Variants in RGS6 observed in about 807,000 individuals in gnomAD.
RGS6 encodes the protein regulator of G protein signaling 6.
In RGS6, 30 loss-of-function variants were observed where a neutral mutation model predicts 78.5. The ratio of observed to expected loss-of-function variants is 0.38; its 90% CI spans 0.29 to 0.52. RGS6 has a LOEUF of 0.52. Ranked by LOEUF, RGS6 falls within the 20% of genes least tolerant of loss-of-function variation. The pLI is 0.85. For synonymous variants in RGS6, 206 were observed against 206.0 expected, an observed-to-expected ratio of 1.00 and a Z score of 0.00; for missense variants, 495 against 609.7, an observed-to-expected ratio of 0.81 and a Z score of 1.98.
At chr14:72,236,682 C>T (rs2051137339) in intron 2 of RGS6, among the ~76,000 whole-genome samples, 1 of 152,106 alleles carries the variant, frequency 6.6e-6, no homozygotes, top group Non-Finnish European at 1.5e-5. Flanking sequence ...GGTGGAGGGG[C>T]CGGGCAGAGG....
the RGS6 span, among the ~76,000 whole-genome samples, chr14:71,904,686 C>G: frequency 6.6e-6 from 1 of 152,170 alleles, no homozygotes; most frequent in African/African-American, 2.4e-5. Context: ...CACTTTGCAA[C>G]CAAAATTTGG....
chr14:72,507,804 G>C (rs1245868391), intron 13 of RGS6, among the ~76,000 whole-genome samples: 1 of 152,194 alleles, frequency 6.6e-6, no homozygotes, highest in Non-Finnish European at 1.5e-5. Flanking sequence ...GCTGCCACTA[G>C]TACCATCCCT....
chr14:72,236,138 G>T (rs1436494029), intron 2 of RGS6, among the ~76,000 whole-genome samples: 1 of 152,220 alleles, frequency 6.6e-6, no homozygotes, highest in Non-Finnish European at 1.5e-5. Flanking sequence ...GGGTGGTCAG[G>T]GATGTTTCCA....
At chr14:72,407,784 A>G (rs1014786961) in intron 3 of RGS6, among the ~76,000 whole-genome samples, 2 of 152,206 alleles carry the variant, frequency 1.3e-5, no homozygotes, top group Non-Finnish European at 1.5e-5. Context: ...TGGCTGGATC[A>G]TCTCATGGCC....
chr14:72,444,747 C>G (rs771965824), intron 3 of RGS6, among the ~76,000 whole-genome samples: 1 of 15,844 alleles, frequency 6.3e-5, no homozygotes, highest in Non-Finnish European at 1.3e-4. Flanking sequence ...GCAAGCTGAT[C>G]TGGCCAACCT....
intron 2 of RGS6, among the ~76,000 whole-genome samples, chr14:72,350,051 G>C (rs1343563277): frequency 6.6e-6 from 1 of 152,194 alleles, no homozygotes; most frequent in Admixed American, 6.5e-5. Flanking sequence ...TTGAGTTTAG[G>C]AGACAAAGGC....
At chr14:72,029,999 T>G (rs1334607136) in intron 2 of RGS6, among the ~76,000 whole-genome samples, 1 of 152,242 alleles carries the variant, frequency 6.6e-6, no homozygotes, top group African/African-American at 2.4e-5. Flanking sequence ...ATTCTTATCC[T>G]GTCAATTATC....
At chr14:71,915,530 C>T in the RGS6 span, among the ~76,000 whole-genome samples, 254 of 152,292 alleles carry the variant, frequency 1.7e-3, no homozygotes, top group Non-Finnish European at 1.0e-3. Flanking sequence ...CCATTCATCC[C>T]TCCCTCCATC....
Position 72,352,201 on chromosome 14 carries a change from C to G in RGS6, c.184+7C>G, listed in dbSNP as rs112696041. ...ATCCCCAGTGTCGTCACAGGTAACA[C>G]CCTCCTTGCAAGGTGTTGGTAACAG... On this transcript the variant is annotated splice_region_variant and intron_variant, in intron 3 of 17. Transcript: ENST00000553525. 7 of 1,607,502 alleles carry G rather than the reference C, an allele frequency of 4.4e-6. No homozygotes were observed. Among genetic ancestry groups the G allele is most frequent in the Non-Finnish European group, 6.0e-6 (7 of 1,174,994 alleles).
At chr14:72,570,484 G>C (rs1382080329), downstream of RGS6, among the ~76,000 whole-genome samples, 1 of 152,202 alleles carries the variant, frequency 6.6e-6, no homozygotes, top group Non-Finnish European at 1.5e-5. Context: ...TTGATTTTTG[G>C]TAGTGGTTAC....
Position 72,388,724 on chromosome 14 carries a change from A to G in RGS6, c.184+36530A>G, listed in dbSNP as rs2089051624. 2.0e-5 allele frequency among the ~76,000 whole-genome samples: 3 copies of G among 151,656 alleles called. No homozygotes were observed. In the South Asian group the frequency reaches 6.3e-4, roughly 32 times the overall value. ...TTCTTAAGTTTGACTCTGAAGCCGC[A>G]CTCTCTGGGTTTGAATCCCAGCTCT... On this transcript the variant is annotated intron_variant, in intron 3 of 17. Transcript: ENST00000553525.
At chr14:71,988,187 A>G (rs2094803921) in intron 2 of RGS6, among the ~76,000 whole-genome samples, 1 of 152,200 alleles carries the variant, frequency 6.6e-6, no homozygotes, top group Non-Finnish European at 1.5e-5. Context: ...AACAGATGAT[A>G]AAGTCTAACT....
chr14:72,004,157 C>T (rs2084058700), intron 2 of RGS6, among the ~76,000 whole-genome samples: 1 of 152,142 alleles, frequency 6.6e-6, no homozygotes, highest in East Asian at 1.9e-4. Flanking sequence ...GGGGAGTCAG[C>T]ATAGTATACA....
chr14:72,490,832 T>C (rs1452663459), intron 12 of RGS6, among the ~76,000 whole-genome samples: 3 of 152,160 alleles, frequency 2.0e-5, no homozygotes, highest in African/African-American at 7.2e-5. Flanking sequence ...GAATAAAACA[T>C]CTTGTGTCCT....
chr14:72,287,613 T>C (rs1317147795), intron 2 of RGS6, among the ~76,000 whole-genome samples: 1 of 151,998 alleles, frequency 6.6e-6, no homozygotes, highest in Non-Finnish European at 1.5e-5. Context: ...TGTGCCACCA[T>C]GCCTGGCTAA....
At chr14:71,894,467 T>G in the RGS6 span, among the ~76,000 whole-genome samples, 4 of 152,228 alleles carry the variant, frequency 2.6e-5, no homozygotes, top group African/African-American at 7.2e-5. Context: ...CGAGGGTGGA[T>G]GCGTGCCTCC....
intron 1 of RGS6, among the ~76,000 whole-genome samples, chr14:71,950,360 G>T (rs1276120129): frequency 6.6e-6 from 1 of 152,146 alleles, no homozygotes; most frequent in South Asian, 2.1e-4. Context: ...TGGGAGACAT[G>T]GCTAGCTATA....
intron 1 of RGS6, among the ~76,000 whole-genome samples, chr14:71,955,404 G>A (rs914025553): frequency 6.6e-6 from 1 of 152,138 alleles, no homozygotes; most frequent in Non-Finnish European, 1.5e-5. Flanking sequence ...GAAATAATTC[G>A]GGGCAAGTCC....
chr14:72,045,606 G>A (rs1173137968), intron 2 of RGS6, among the ~76,000 whole-genome samples: 2 of 152,020 alleles, frequency 1.3e-5, no homozygotes, highest in Non-Finnish European at 1.5e-5. Flanking sequence ...TAGGGAAGGG[G>A]AAACATTCTG....
Sources: gnomAD v4.1 joint callset for allele counts (sites outside exome capture counted in the v4.1 genomes callset) on GRCh38, gnomAD v4.1.1 for gene constraint, MANE v1.5 for transcripts, NCBI Gene and HGNC (gene_info 2026-07-23, HGNC 2026-07-21) for gene names.